ABCA13: variants seen among roughly 807,000 people sequenced by gnomAD.
ABCA13 encodes the protein ATP-binding cassette sub-family A member 13.
Under a neutral mutation model 478.7 loss-of-function variants are expected in ABCA13, and 476 were observed. The ratio of observed to expected loss-of-function variants is 0.99; its 90% CI spans 0.92 to 1.07. ABCA13 has a LOEUF of 1.07. ABCA13 is among the 50% of genes least tolerant of loss of function. ABCA13 has a pLI of 0.00. For missense variants in ABCA13, 6,060 were observed against 5,910.6 expected (o/e 1.03, Z -0.83); for synonymous variants, 2,252 against 2,158.9 (o/e 1.04, Z -1.20).
At chr7:48,229,727 A>G in intron 6 of ABCA13, 98 bp from the exon 7 acceptor site, 1 of 1,231,398 alleles carries the variant, frequency 8.1e-7, no homozygotes. Context: ...CAACAGCACT[A>G]GGGGCCCAGT....
chr7:48,291,292 T>C (rs2128812489), intron 20 of ABCA13, among the ~76,000 whole-genome samples: 1 of 152,292 alleles, frequency 6.6e-6, no homozygotes, highest in South Asian at 2.1e-4. Context: ...TGTCACACGT[T>C]AGAAAATGGA....
In ABCA13 at chr7:48,586,843, C is replaced by G. The variant is rs547717706; in HGVS notation, c.14506-311C>G. ...TTTCTTTTTGGCATACCCTTCTCTGCTCACCTCAACATGCTTATTTATCTG... is the reference window on the plus strand; with the variant it reads ...TTTCTTTTTGGCATACCCTTCTCTGGTCACCTCAACATGCTTATTTATCTG... On this transcript the variant is annotated intron_variant, in intron 56 of 61. Transcript: ENST00000435803. Among the ~76,000 whole-genome samples, 8 of 152,266 alleles carry G rather than the reference C, an allele frequency of 5.3e-5. No individual in the cohort carries two copies. The South Asian group carries it at 1.7e-3, about 32-fold the overall frequency.
chr7:48,624,119 G>T (rs1317383636), intron 59 of ABCA13, among the ~76,000 whole-genome samples: 2 of 150,956 alleles, frequency 1.3e-5, no homozygotes, highest in East Asian at 3.9e-4. Flanking sequence ...AATAACAGAG[G>T]AGAGCTGGAG....
chr7:48,396,356 A>G (rs1816828157), intron 38 of ABCA13, among the ~76,000 whole-genome samples: 1 of 152,134 alleles, frequency 6.6e-6, no homozygotes, highest in Non-Finnish European at 1.5e-5. Flanking sequence ...CATTTGTTTA[A>G]CATCTTTTTT....
Position 48,481,125 on chromosome 7 carries a change from G to A in ABCA13, c.13065G>A (p.Glu4355=). ...ATCTCTCAGGCTTCAATATGGAGGA[G>A]TACTTGCTGGCACCATCTGAAAAAC... ...LLNLSGFNME[E]YLLAPSEKPR... is the part of the protein sequence containing the mutation. Residue 4355 remains glutamate (E), a synonymous_variant, in exon 46 of 62, where the codon GAG becomes GAA. Coordinates refer to ENST00000435803, the MANE Select transcript of ABCA13 (RefSeq NM_152701.5). 2 of 1,593,478 alleles carry A rather than the reference G, an allele frequency of 1.3e-6. No homozygotes were observed. Among genetic ancestry groups the A allele is most frequent in the East Asian group, 2.3e-5 (1 of 44,224 alleles).
At chr7:48,445,614 C>A (rs1824196062) in intron 42 of ABCA13, among the ~76,000 whole-genome samples, 1 of 152,174 alleles carries the variant, frequency 6.6e-6, no homozygotes, top group African/African-American at 2.4e-5. Flanking sequence ...GACTCTTCTG[C>A]AGAGTCTTCT....
chr7:48,376,642 A>T (rs886202374), intron 35 of ABCA13, 70 bp downstream of exon 35: 47 of 1,470,778 alleles, frequency 3.2e-5, no homozygotes, highest in Non-Finnish European at 4.3e-5. Context: ...ATGCATAAAT[A>T]TTAGAATAAT....
intron 1 of ABCA13, among the ~76,000 whole-genome samples, chr7:48,176,264 G>A (rs1456037782): frequency 6.6e-6 from 1 of 152,146 alleles, no homozygotes; most frequent in Non-Finnish European, 1.5e-5. Context: ...TTTGGGTTGA[G>A]CTGGCCAATT....
intron 19 of ABCA13, among the ~76,000 whole-genome samples, chr7:48,286,536 G>A (rs1019090964): frequency 1.3e-5 from 2 of 150,310 alleles, no homozygotes; most frequent in Admixed American, 6.6e-5. Flanking sequence ...ACAGAGTCTC[G>A]CTCTGTCGCC....
At chr7:48,192,510 T>A (rs190812301) in intron 1 of ABCA13, among the ~76,000 whole-genome samples, 132 of 152,286 alleles carry the variant, frequency 8.7e-4, no homozygotes, top group Admixed American at 2.9e-3. Context: ...AAATCTTGTT[T>A]GGCAATATTG....
In ABCA13 at chr7:48,487,318, A is replaced by C. The variant is rs1387446434; in HGVS notation, c.13183-1918A>C. On this transcript the variant is annotated intron_variant, in intron 47 of 61. Coordinates refer to ENST00000435803, the MANE Select transcript of ABCA13 (RefSeq NM_152701.5). ...AGCAAAACTGTGTCTCAAAAAAAAA[A>C]CAAAACAAAACAAAACAAAAAAAAC... 9.6e-4 allele frequency among the ~76,000 whole-genome samples: 119 copies of C among 123,370 alleles called. 1 individual carries two copies. The highest frequency in any genetic ancestry group is 4.0e-3 in the Admixed American group (50 of 12,462). 80.9% of individuals were successfully genotyped at this position (123,370 alleles called of 152,430 possible).
chr7:48,299,595 T>C (rs916901150), intron 23 of ABCA13, among the ~76,000 whole-genome samples: 68 of 152,056 alleles, frequency 4.5e-4, no homozygotes, highest in African/African-American at 1.6e-3. Context: ...TTGAAACGAG[T>C]AATAGGGGAA....
intron 31 of ABCA13, among the ~76,000 whole-genome samples, chr7:48,360,841 C>T (rs1308485914): frequency 6.6e-6 from 1 of 151,720 alleles, no homozygotes; most frequent in Non-Finnish European, 1.5e-5. Context: ...AGATGTAGTC[C>T]TGCCTTGAGG....
chr7:48,203,232 G>A (rs1369548120), intron 3 of ABCA13, among the ~76,000 whole-genome samples: 5 of 144,712 alleles, frequency 3.5e-5, no homozygotes, highest in Non-Finnish European at 6.3e-5. Flanking sequence ...CCAAGCCCAC[G>A]CGCACCGGAA....
intron 59 of ABCA13, among the ~76,000 whole-genome samples, chr7:48,629,835 C>G (rs1794013819): frequency 6.6e-6 from 1 of 151,886 alleles, no homozygotes; most frequent in African/African-American, 2.4e-5. Flanking sequence ...AGTCACGTGG[C>G]TAGCCCAAAG....
chr7:48,344,972 G>T (rs1425318126), intron 29 of ABCA13, among the ~76,000 whole-genome samples: 1 of 152,178 alleles, frequency 6.6e-6, no homozygotes, highest in Non-Finnish European at 1.5e-5. Context: ...GAGTTTTTGT[G>T]TGGAGCTGCT....
chr7:48,274,612 C>G lies in ABCA13; in HGVS notation c.4946C>G (p.Thr1649Ser). The change falls in exon 17 of 62, where the codon ACT (threonine) becomes AGT (serine). Residue 1649 changes from threonine (T) to serine (S), a missense_variant. Physicochemically the swap from Thr to Ser is moderately conservative, Grantham distance 58. Around this residue, in one of 3 missense-constraint regions of ABCA13, gnomAD observed 4,423 missense variants for 4,309.1 expected, o/e 1.03. Transcript: ENST00000435803. ...TCCTTAATGCCTGTAGTTCATCACA[C>G]TAGTCCACAAAATGCAGGTTATATG... is the stretch of plus-strand genomic sequence containing the variant. The part of the protein sequence containing the change: ...FNSLMPVVHH[T>S]SPQNAGYMQA... The G allele has an allele frequency of 6.2e-7, 1 of 1,613,954 alleles. No individual in the cohort carries two copies. Among genetic ancestry groups the G allele is most frequent in the Non-Finnish European group, 8.5e-7 (1 of 1,179,840 alleles).
At chr7:48,590,331 G>C (rs1351189563) in intron 57 of ABCA13, among the ~76,000 whole-genome samples, 1 of 151,798 alleles carries the variant, frequency 6.6e-6, no homozygotes, top group African/African-American at 2.4e-5. Context: ...AGGAAACAGG[G>C]AGAGAGAGAG....
At chr7:48,588,049 T>A (rs1789363547) in intron 57 of ABCA13, among the ~76,000 whole-genome samples, 1 of 152,146 alleles carries the variant, frequency 6.6e-6, no homozygotes, top group Admixed American at 6.5e-5. Context: ...CAAAACAGAT[T>A]CCTTTTTTTC....
Sources: gnomAD v4.1 joint callset for allele counts (sites outside exome capture counted in the v4.1 genomes callset) on GRCh38, gnomAD v4.1.1 for gene constraint, gnomAD v4.1.1 regional missense constraint, MANE v1.5 for transcripts, NCBI Gene and HGNC (gene_info 2026-07-23, HGNC 2026-07-21) for gene names.